ADA: variants seen among roughly 807,000 people sequenced by gnomAD.
The protein encoded by ADA is adenosine deaminase, also known as adenosine aminohydrolase.
A neutral mutation model predicts 49.0 loss-of-function variants in ADA; 45 were observed. The ratio of observed to expected loss-of-function variants is 0.92; its 90% CI spans 0.72 to 1.18. The LOEUF is 1.18. Ranked by LOEUF, ADA falls within the 50% of genes most tolerant of loss-of-function variation. The pLI is 0.00. For synonymous variants in ADA, 173 were observed against 184.2 expected (o/e 0.94, Z 0.49); for missense variants, 445 against 472.5 (o/e 0.94, Z 0.54).
In ADA at chr20:44,629,100, C is replaced by A. The variant is rs764188731; in HGVS notation, c.165G>T (p.Pro55=). The A allele has an allele frequency of 2.5e-6, 4 of 1,614,074 alleles. No individual in the cohort carries two copies. The Admixed American group carries it at 6.7e-5, about 27-fold the overall frequency. The part of the protein sequence containing the change: ...GLLNVIGMDK[P]LTLPDFLAKF... ...TGGCCAGGAAGTCTGGAAGGGTGAG[C>A]GGCTTGTCCATGCCAATGACGTTCA... Residue 55 remains proline (P), a synonymous_variant, in exon 3 of 12, where the codon CCG becomes CCT. Transcript: ENST00000372874.
At chr20:44,622,108 G>A (rs2065337476) in intron 9 of ADA, among the ~76,000 whole-genome samples, 1 of 152,216 alleles carries the variant, frequency 6.6e-6, no homozygotes, top group African/African-American at 2.4e-5. Context: ...CGGAAGGAGG[G>A]CCTTGACCCT....
At position 44,642,576 on chromosome 20, in the gene ADA, T is replaced by C. The variant is rs1383523107; in HGVS notation, c.34-6288A>G. Among the ~76,000 whole-genome samples, 4 of 151,650 alleles carry C rather than the reference T, an allele frequency of 2.6e-5. No homozygotes were observed. The East Asian group carries it at 7.8e-4, about 29-fold the overall frequency. Reference sequence around the variant, plus strand: ...TGGCCAGAGTGCAGAGTGAGGTTAGTGGTGAGAAATGAGGCCAGGGCAAAG... The same window carrying C: ...TGGCCAGAGTGCAGAGTGAGGTTAGCGGTGAGAAATGAGGCCAGGGCAAAG... On this transcript the variant is annotated intron_variant, in intron 1 of 11. Coordinates refer to ENST00000372874, the MANE Select transcript of ADA (RefSeq NM_000022.4).
At chr20:44,621,674 T>C (rs2065333578) in intron 9 of ADA, among the ~76,000 whole-genome samples, 1 of 152,212 alleles carries the variant, frequency 6.6e-6, no homozygotes, top group South Asian at 2.1e-4. Flanking sequence ...TCTTGAAACC[T>C]TTTCCCTGGA....
chr20:44,628,293 G>A (rs1433108865), intron 3 of ADA, among the ~76,000 whole-genome samples: 2 of 152,174 alleles, frequency 1.3e-5, no homozygotes, highest in Non-Finnish European at 2.9e-5. Flanking sequence ...GGGAGGCCGA[G>A]GCGGGCAGAT....
At chr20:44,643,778 G>C (rs547092688) in intron 1 of ADA, among the ~76,000 whole-genome samples, 1 of 152,296 alleles carries the variant, frequency 6.6e-6, no homozygotes, top group South Asian at 2.1e-4. Context: ...GCATTTGTCT[G>C]AACAGCAGGA....
chr20:44,634,162 A>G (rs1370034976), intron 2 of ADA, among the ~76,000 whole-genome samples: 1 of 152,008 alleles, frequency 6.6e-6, no homozygotes, highest in African/African-American at 2.4e-5. Context: ...GCCCTCCGTG[A>G]CCCCTTAATG....
rs1375025803 is a variant in ADA, at chr20:44,620,295, C to T, written c.1078+4G>A. The T allele has an allele frequency of 6.2e-7, 1 of 1,613,554 alleles. No individual in the cohort carries two copies. The highest frequency in any genetic ancestry group is 8.5e-7 in the Non-Finnish European group (1 of 1,179,720). ...ACTGCCCAGAAGCCCAGACAGGAAC[C>T]TACCTGCAGAGGCTGAAGGTGGCAT... is the stretch of plus-strand genomic sequence containing the variant. On this transcript the variant is annotated splice_donor_region_variant and intron_variant, in intron 11 of 11. Coordinates refer to ENST00000372874, the MANE Select transcript of ADA (RefSeq NM_000022.4).
intron 1 of ADA, among the ~76,000 whole-genome samples, chr20:44,640,465 C>G (rs978612934): frequency 8.0e-5 from 12 of 150,726 alleles, no homozygotes; most frequent in African/African-American, 2.9e-4. Context: ...GTCAGGAGTT[C>G]GAGACCAGCC....
At chr20:44,632,614 C>T (rs2065443792) in intron 2 of ADA, among the ~76,000 whole-genome samples, 1 of 152,178 alleles carries the variant, frequency 6.6e-6, no homozygotes, top group South Asian at 2.1e-4. Flanking sequence ...AGAGCTGTTC[C>T]TAGGGCCCTG....
intron 1 of ADA, among the ~76,000 whole-genome samples, chr20:44,644,168 C>CG (rs59643320): frequency 0.69 from 76,815 of 111,854 alleles, 20,989 homozygotes; most frequent in East Asian, 0.8. Context: ...TGGAGGTAGA[C>CG]GCCCTGCTCG....
intron 2 of ADA, among the ~76,000 whole-genome samples, chr20:44,632,761 C>T (rs534601021): frequency 2.5e-4 from 38 of 152,316 alleles, no homozygotes; most frequent in African/African-American, 8.4e-4. Flanking sequence ...GGCACGACCT[C>T]GACTCACTGC....
intron 2 of ADA, among the ~76,000 whole-genome samples, chr20:44,631,613 C>T (rs1363845529): frequency 2.6e-5 from 4 of 152,208 alleles, no homozygotes; most frequent in African/African-American, 4.8e-5. Context: ...CAGCCATGTG[C>T]GATTCTCCTA....
chr20:44,619,863 G>C lies in ADA; in HGVS notation c.1079-16C>G, dbSNP rs749814613. 6.2e-7 allele frequency: 1 copy of C among 1,614,032 alleles called. No homozygotes were observed. The highest frequency in any genetic ancestry group is 8.5e-7 in the Non-Finnish European group (1 of 1,180,024). ...AGGTTCTGCCCTGCTCGTTGGTTCA[G>C]AGAAGCAAAAAGATCAGGCAACTTG... On this transcript the variant is annotated splice_polypyrimidine_tract_variant and intron_variant, in intron 11 of 11. Coordinates refer to ENST00000372874, the MANE Select transcript of ADA (RefSeq NM_000022.4).
At chr20:44,626,234 C>T in intron 4 of ADA, 1 of 665,132 alleles carries the variant, frequency 1.5e-6, no homozygotes, top group Non-Finnish European at 2.6e-6. Flanking sequence ...AAGACACAGC[C>T]AAACACTTGT....
intron 1 of ADA, among the ~76,000 whole-genome samples, chr20:44,648,166 C>G (rs1404959385): frequency 6.6e-6 from 1 of 152,104 alleles, no homozygotes; most frequent in South Asian, 2.1e-4. Context: ...TGCCTGAGTG[C>G]CTGGTGCCAC....
At chr20:44,623,976 G>A in intron 6 of ADA, 1 of 571,082 alleles carries the variant, frequency 1.8e-6, no homozygotes, top group Non-Finnish European at 3.2e-6. Flanking sequence ...CAAACTCCTA[G>A]GCTCAAGCAA....
chr20:44,638,386 G>C (rs1182182694), intron 1 of ADA, among the ~76,000 whole-genome samples: 1 of 152,182 alleles, frequency 6.6e-6, no homozygotes, highest in Non-Finnish European at 1.5e-5. Context: ...GACCAGCCTG[G>C]CCAACATGGT....
intron 2 of ADA, among the ~76,000 whole-genome samples, chr20:44,635,768 T>C (rs2065473976): frequency 6.6e-6 from 1 of 152,054 alleles, no homozygotes; most frequent in South Asian, 2.1e-4. Flanking sequence ...TGTGGTGGCA[T>C]GTGCTTGTAA....
intron 5 of ADA, 42 bp from the exon 6 acceptor site, chr20:44,624,371 T>C (rs1255240583): frequency 8.1e-6 from 13 of 1,610,678 alleles, no homozygotes; most frequent in Non-Finnish European, 1.1e-5. Context: ...ACCAGCACCA[T>C]GGAGAGACCT....
Sources: gnomAD v4.1 joint callset for allele counts (sites outside exome capture counted in the v4.1 genomes callset) on GRCh38, gnomAD v4.1.1 for gene constraint, MANE v1.5 for transcripts, NCBI Gene and HGNC (gene_info 2026-07-23, HGNC 2026-07-21) for gene names.